GPHN: variants seen among roughly 807,000 people sequenced by gnomAD.
The protein encoded by GPHN is gephyrin.
GPHN carries 17 observed loss-of-function variants against 95.5 expected under a neutral mutation model. That is an observed-to-expected ratio of 0.18 (90% CI 0.12 to 0.27). GPHN has a LOEUF of 0.27. Among genes scored for constraint, GPHN ranks in the 10% least tolerant of loss-of-function variants. GPHN has a pLI of 1.00. For synonymous variants in GPHN, 320 were observed against 322.5 expected (o/e 0.99, Z 0.08); for missense variants, 660 against 978.1 (o/e 0.67, Z 4.34).
At position 66,792,877 on chromosome 14, in the gene GPHN, C is replaced by T. The variant is rs147458806; in HGVS notation, c.201+16356C>T. Among the ~76,000 whole-genome samples the T allele has an allele frequency of 1.4e-3, 213 of 148,798 alleles. 1 individual carries two copies. Among genetic ancestry groups the T allele is most frequent in the Non-Finnish European group, 2.6e-3 (173 of 66,640 alleles). Reference sequence around the variant, plus strand: ...CATTAGCATTGTTTCTATAGATATTCGATGAACTAAAAGTATCCCTTATGG... The same window carrying T: ...CATTAGCATTGTTTCTATAGATATTTGATGAACTAAAAGTATCCCTTATGG... On this transcript the variant is annotated intron_variant, in intron 3 of 22. Coordinates refer to ENST00000478722, the MANE Select transcript of GPHN (RefSeq NM_020806.5).
At chr14:66,561,846 T>G (rs1292632713) in intron 1 of GPHN, among the ~76,000 whole-genome samples, 1 of 152,122 alleles carries the variant, frequency 6.6e-6, no homozygotes, top group African/African-American at 2.4e-5. Flanking sequence ...AAGGTGTCAA[T>G]AGGGCTGCAT....
At chr14:67,728,961 C>T in the GPHN span, among the ~76,000 whole-genome samples, 1 of 152,172 alleles carries the variant, frequency 6.6e-6, no homozygotes, top group Non-Finnish European at 1.5e-5. Context: ...AGAAGGACCT[C>T]GAACCAGGCA....
intron 9 of GPHN, among the ~76,000 whole-genome samples, chr14:66,990,871 A>G (rs1426212745): frequency 6.6e-6 from 1 of 151,736 alleles, no homozygotes; most frequent in Non-Finnish European, 1.5e-5. Context: ...AAATTAAAAT[A>G]TTTTAAAATT....
chr14:66,868,019 G>T (rs567614847), intron 4 of GPHN, among the ~76,000 whole-genome samples: 1 of 152,270 alleles, frequency 6.6e-6, no homozygotes, highest in South Asian at 2.1e-4. Flanking sequence ...CCAGCAATCT[G>T]TATTTTAACA....
intron 9 of GPHN, among the ~76,000 whole-genome samples, chr14:66,994,556 G>A (rs1395442815): frequency 6.6e-6 from 1 of 152,086 alleles, no homozygotes; most frequent in African/African-American, 2.4e-5. Context: ...CAAAGATAAA[G>A]TACTAATAAA....
intron 4 of GPHN, among the ~76,000 whole-genome samples, chr14:66,835,165 G>C (rs1161882005): frequency 6.7e-6 from 1 of 148,550 alleles, no homozygotes; most frequent in East Asian, 2.0e-4. Flanking sequence ...TATTAGTCTT[G>C]CTAGCGGTCT....
chr14:67,658,314 G>A, the GPHN span, among the ~76,000 whole-genome samples: 17 of 152,090 alleles, frequency 1.1e-4, no homozygotes, highest in Admixed American at 8.5e-4. Flanking sequence ...TCTGAAACTC[G>A]CCAGGCGTGG....
chr14:67,555,508 G>A, the GPHN span, among the ~76,000 whole-genome samples: 3 of 152,148 alleles, frequency 2.0e-5, no homozygotes, highest in Non-Finnish European at 4.4e-5. Flanking sequence ...GCCAGGACAG[G>A]GTGGGATGCT....
chr14:67,699,703 A>G, the GPHN span, among the ~76,000 whole-genome samples: 4,251 of 152,038 alleles, frequency 0.028, 217 homozygotes, highest in African/African-American at 0.097. Context: ...AAAACACAGT[A>G]AGTCACAGGA....
chr14:67,359,107 G>A, the GPHN span, among the ~76,000 whole-genome samples: 2 of 152,232 alleles, frequency 1.3e-5, no homozygotes, highest in Admixed American at 1.3e-4. Flanking sequence ...TCTCACAGCA[G>A]GTGACATTTG....
intron 4 of GPHN, among the ~76,000 whole-genome samples, chr14:66,836,354 A>G (rs2153503974): frequency 1.4e-5 from 2 of 143,212 alleles, no homozygotes; most frequent in Middle Eastern, 7.0e-3. Flanking sequence ...AGGATTCCCT[A>G]TTTAATAAAT....
the GPHN span, among the ~76,000 whole-genome samples, chr14:67,713,401 A>G: frequency 4.9e-5 from 5 of 102,532 alleles, no homozygotes; most frequent in South Asian, 1.5e-3. Context: ...AAACTCCAAA[A>G]AAAAAAAAAA....
At chr14:67,550,415 C>T in the GPHN span, among the ~76,000 whole-genome samples, 4 of 152,198 alleles carry the variant, frequency 2.6e-5, no homozygotes, top group African/African-American at 7.2e-5. Context: ...TCTCCAAGTC[C>T]TGAGCTCAAG....
At chr14:66,804,301 C>T (rs112904964) in intron 3 of GPHN, among the ~76,000 whole-genome samples, 81 of 152,308 alleles carry the variant, frequency 5.3e-4, no homozygotes, top group African/African-American at 1.6e-3. Flanking sequence ...GCCCAGCTCT[C>T]TTGTCTCCAG....
intron 2 of GPHN, among the ~76,000 whole-genome samples, chr14:66,765,724 C>T (rs2058940523): frequency 1.3e-5 from 2 of 151,850 alleles, no homozygotes; most frequent in Non-Finnish European, 2.9e-5. Context: ...CACAATTTAC[C>T]TATATGACAA....
chr14:66,634,496 G>T (rs12323903), intron 1 of GPHN, among the ~76,000 whole-genome samples: 1 of 151,932 alleles, frequency 6.6e-6, no homozygotes, highest in Non-Finnish European at 1.5e-5. Flanking sequence ...TAGGTGTCAC[G>T]TGGGGGCACC....
At chr14:66,898,241 A>G (rs1482011151) in intron 5 of GPHN, among the ~76,000 whole-genome samples, 1 of 151,660 alleles carries the variant, frequency 6.6e-6, no homozygotes. Context: ...TTCTTTTAGC[A>G]GTTGTGTTTT....
intron 1 of GPHN, among the ~76,000 whole-genome samples, chr14:66,583,525 C>T (rs919723780): frequency 1.3e-5 from 2 of 152,066 alleles, no homozygotes; most frequent in African/African-American, 2.4e-5. Flanking sequence ...TTAGGTCTAA[C>T]ATGTAAGTCT....
chr14:66,733,760 C>T (rs1454927250), intron 2 of GPHN, among the ~76,000 whole-genome samples: 2 of 152,094 alleles, frequency 1.3e-5, no homozygotes, highest in Non-Finnish European at 2.9e-5. Flanking sequence ...GCTGAAATAA[C>T]TATACCAGAA....
Sources: allele counts gnomAD v4.1 joint callset (sites outside exome capture counted in the v4.1 genomes callset), GRCh38; gene constraint gnomAD v4.1.1; transcripts MANE v1.5; gene names NCBI Gene and HGNC (gene_info 2026-07-23, HGNC 2026-07-21).